ADCY2: variants seen among roughly 807,000 people sequenced by gnomAD.
ADCY2 encodes the protein adenylate cyclase type 2.
In ADCY2, 31 loss-of-function variants were observed where a neutral mutation model predicts 125.2. The ratio of observed to expected loss-of-function variants is 0.25; its 90% CI spans 0.19 to 0.33. The LOEUF is 0.33. Ranked by LOEUF, ADCY2 falls within the 10% of genes least tolerant of loss-of-function variation. ADCY2 has a pLI of 1.00. For synonymous variants in ADCY2, 512 were observed against 548.4 expected (o/e 0.93, Z 0.93); for missense variants, 904 against 1,418.2 (o/e 0.64, Z 5.82).
intron 2 of ADCY2, among the ~76,000 whole-genome samples, chr5:7,450,798 C>T (rs1013467680): frequency 1.3e-5 from 2 of 152,058 alleles, no homozygotes; most frequent in East Asian, 3.9e-4. Flanking sequence ...CTGAAAAATC[C>T]AAGAGCCCTT....
Position 7,709,488 on chromosome 5 carries a change from G to T in ADCY2, c.1578+101G>T. On this transcript the variant is annotated intron_variant, in intron 10 of 24. Transcript: ENST00000338316. This position sits in a 1 kb window ranked among gnomAD's most constrained non-coding sequence, Gnocchi z 4.4. ...CTGCCAAAATAACTCCTTTCTGTAA[G>T]AAACAAACTTATCACCTTCTTCTTC... The T allele has an allele frequency of 7.5e-7, 1 of 1,330,796 alleles. No individual in the cohort carries two copies. The highest frequency in any genetic ancestry group is 1.0e-6 in the Non-Finnish European group (1 of 999,276). 82.4% of individuals were successfully genotyped at this position (1,330,796 alleles called of 1,614,324 possible). A position where few individuals can be genotyped will look rare whatever the true frequency, so the allele number is the denominator to read the frequency against.
chr5:7,624,055 G>T (rs1192230708), intron 3 of ADCY2, among the ~76,000 whole-genome samples: 3 of 152,180 alleles, frequency 2.0e-5, no homozygotes, highest in African/African-American at 7.2e-5. Flanking sequence ...GAGTTACATG[G>T]AACAGCCTTG....
intron 4 of ADCY2, among the ~76,000 whole-genome samples, chr5:7,681,241 T>C (rs1186498418): frequency 6.6e-6 from 1 of 152,230 alleles, no homozygotes; most frequent in Non-Finnish European, 1.5e-5. Flanking sequence ...TCACTTATTA[T>C]TCTTTCCTGA....
rs1745269242 is a variant in ADCY2, at chr5:7,820,696, C to T, written c.3123+7C>T. 1.2e-6 allele frequency: 2 copies of T among 1,612,486 alleles called. No individual in the cohort carries two copies. Among genetic ancestry groups the T allele is most frequent in the Non-Finnish European group, 1.7e-6 (2 of 1,179,188 alleles). ...AGTCCTGGACAAAATACAGGTAATGCAGAGTGTGGTCTGCGCTGCCTGCAT... is the reference window on the plus strand; with the variant it reads ...AGTCCTGGACAAAATACAGGTAATGTAGAGTGTGGTCTGCGCTGCCTGCAT... On this transcript the variant is annotated splice_region_variant and intron_variant, in intron 24 of 24. Coordinates refer to ENST00000338316, the MANE Select transcript of ADCY2 (RefSeq NM_020546.3).
intron 13 of ADCY2, among the ~76,000 whole-genome samples, chr5:7,725,965 A>G (rs765986148): frequency 6.6e-6 from 1 of 152,190 alleles, no homozygotes; most frequent in South Asian, 2.1e-4. Context: ...ACTTAAGCTC[A>G]GTTTTTGTCC....
chr5:7,513,116 GAGAGAGAGAGAGAGCA>G (rs1744131369), intron 2 of ADCY2, among the ~76,000 whole-genome samples: 2 of 127,858 alleles, frequency 1.6e-5, no homozygotes, highest in Non-Finnish European at 3.7e-5. Flanking sequence ...CAGAGAGAGA[GAGAGAGAGAGAGAGCA>G]AGAGAGAGAG....
chr5:7,492,562 T>A (rs1432105490), intron 2 of ADCY2, among the ~76,000 whole-genome samples: 1 of 152,184 alleles, frequency 6.6e-6, no homozygotes, highest in Non-Finnish European at 1.5e-5. Flanking sequence ...TTTGGAGAAT[T>A]GAATCATCGA....
At chr5:7,468,772 G>T (rs1742223112) in intron 2 of ADCY2, among the ~76,000 whole-genome samples, 1 of 152,142 alleles carries the variant, frequency 6.6e-6, no homozygotes, top group Non-Finnish European at 1.5e-5. Context: ...CTATTACTTT[G>T]TGACTTCAGG....
At chr5:7,520,027 A>C (rs1317906411) in intron 2 of ADCY2, among the ~76,000 whole-genome samples, 1 of 152,234 alleles carries the variant, frequency 6.6e-6, no homozygotes, top group Non-Finnish European at 1.5e-5. Context: ...TATTGTGTGG[A>C]TATACCACAT....
intron 3 of ADCY2, among the ~76,000 whole-genome samples, chr5:7,577,918 GAGA>G (rs1003966015): frequency 2.1e-4 from 32 of 152,274 alleles, no homozygotes; most frequent in African/African-American, 7.5e-4. Context: ...ATGGGCAGCA[GAGA>G]AGGACAAGAG....
Position 7,712,905 on chromosome 5 carries a change from G to A in ADCY2, c.1622+6G>A. ...TTTCAAAATCGCACCTTAAGGTATG[G>A]TATCTCTCTATCTGATTTTTTAAAG... On this transcript the variant is annotated splice_donor_region_variant and intron_variant, in intron 11 of 24. Coordinates refer to ENST00000338316, the MANE Select transcript of ADCY2 (RefSeq NM_020546.3). 6.3e-7 allele frequency: 1 copy of A among 1,594,614 alleles called. No homozygotes were observed. Among genetic ancestry groups the A allele is most frequent in the South Asian group, 1.1e-5 (1 of 90,538 alleles).
intron 1 of ADCY2, among the ~76,000 whole-genome samples, chr5:7,400,790 T>C (rs751649727): frequency 4.6e-5 from 7 of 152,228 alleles, no homozygotes; most frequent in Non-Finnish European, 7.3e-5. Context: ...GTGCTTGTAA[T>C]TTGCAACCAG....
At chr5:7,703,059 A>G (rs879557391) in intron 7 of ADCY2, among the ~76,000 whole-genome samples, 21 of 152,124 alleles carry the variant, frequency 1.4e-4, no homozygotes, top group Non-Finnish European at 2.9e-4. Context: ...TCCTTTGCCC[A>G]CTTTTTGATG....
chr5:7,699,421 A>G (rs550475050), intron 7 of ADCY2, among the ~76,000 whole-genome samples: 153 of 152,068 alleles, frequency 1.0e-3, no homozygotes, highest in African/African-American at 3.5e-3. Flanking sequence ...TTAACTGTCT[A>G]ACAATTTGGG....
intron 12 of ADCY2, among the ~76,000 whole-genome samples, chr5:7,721,324 A>C (rs545307873): frequency 1.1e-4 from 17 of 152,274 alleles, no homozygotes; most frequent in Admixed American, 5.2e-4. Context: ...TAGATTATAA[A>C]AATTTTCTCC....
intron 22 of ADCY2, among the ~76,000 whole-genome samples, chr5:7,805,533 T>C (rs1744733653): frequency 6.6e-6 from 1 of 152,026 alleles, no homozygotes; most frequent in African/African-American, 2.4e-5. Flanking sequence ...AAAAAAGACC[T>C]CCTTTCCCCT....
intron 22 of ADCY2, among the ~76,000 whole-genome samples, chr5:7,815,214 C>A (rs1579470118): frequency 2.0e-5 from 3 of 152,196 alleles, no homozygotes; most frequent in Admixed American, 1.3e-4. Flanking sequence ...TTATTGAGTT[C>A]TTCTTCTTTG....
At chr5:7,594,918 A>G (rs1736960726) in intron 3 of ADCY2, among the ~76,000 whole-genome samples, 1 of 152,240 alleles carries the variant, frequency 6.6e-6, no homozygotes, top group Non-Finnish European at 1.5e-5. Flanking sequence ...CGGAGCCTCA[A>G]GGGCAGCTTC....
At chr5:7,413,803 T>A (rs1434766433) in intron 1 of ADCY2, among the ~76,000 whole-genome samples, 1 of 152,142 alleles carries the variant, frequency 6.6e-6, no homozygotes, top group Non-Finnish European at 1.5e-5. Context: ...GAGTTGAACT[T>A]GTGTAGAATG....
Sources: allele counts gnomAD v4.1 joint callset (sites outside exome capture counted in the v4.1 genomes callset), GRCh38; gene constraint gnomAD v4.1.1; non-coding constraint Gnocchi (gnomAD v3.1); transcripts MANE v1.5; gene names NCBI Gene and HGNC (gene_info 2026-07-23, HGNC 2026-07-21).